The following CCDC90B variants were observed in gnomAD, a reference collection of about 807,000 sequenced individuals.
CCDC90B encodes the protein coiled-coil domain containing 90B.
Under a neutral mutation model 37.0 loss-of-function variants are expected in CCDC90B, and 24 were observed. The ratio of observed to expected loss-of-function variants is 0.65; its 90% CI spans 0.47 to 0.91. The LOEUF is 0.91. CCDC90B is among the 40% of genes least tolerant of loss of function. The probability of loss-of-function intolerance (pLI) is 0.00; values close to 1 mark genes in which losing one functional copy is unlikely to be tolerated. For missense variants in CCDC90B, 319 were observed against 299.0 expected (o/e 1.07, Z -0.49); for synonymous variants, 113 against 101.1 (o/e 1.12, Z -0.71).
Position 83,268,640 on chromosome 11 carries a change from C to T in CCDC90B, c.595-2661G>A, listed in dbSNP as rs192041772. ...TTAGAAACCGACAAAAAGACTTAGA[C>T]TCCCACATAATAATAATGGGAGACT... On this transcript the variant is annotated intron_variant, in intron 7 of 8. Transcript: ENST00000529689. Among the ~76,000 whole-genome samples the T allele has an allele frequency of 2.9e-3, 444 of 152,276 alleles. 4 individuals carry two copies. The highest frequency in any genetic ancestry group is 4.5e-3 in the Non-Finnish European group (307 of 68,026).
At chr11:83,280,287 T>C in intron 1 of CCDC90B, 27 bp from the exon 2 acceptor site, 1 of 1,600,462 alleles carries the variant, frequency 6.2e-7, no homozygotes, top group Non-Finnish European at 8.5e-7. Flanking sequence ...TTTTTTTCTT[T>C]TGTAGTAACT....
intron 3 of CCDC90B, among the ~76,000 whole-genome samples, chr11:83,278,413 G>C (rs1177790366): frequency 6.6e-6 from 1 of 152,204 alleles, no homozygotes; most frequent in Non-Finnish European, 1.5e-5. Context: ...TAGCTCTTCT[G>C]TGGTGAGCTT....
chr11:83,273,771 A>T, intron 6 of CCDC90B, 22 bp downstream of exon 6: 1 of 1,602,574 alleles, frequency 6.2e-7, no homozygotes, highest in Non-Finnish European at 8.5e-7. Context: ...TAACCAAGAA[A>T]GTACATTTAA....
intron 1 of CCDC90B, chr11:83,285,111 G>A: frequency 8.2e-7 from 1 of 1,224,506 alleles, no homozygotes; most frequent in African/African-American, 1.6e-5. Context: ...TTTGGGTACC[G>A]AATGGCTCAG....
Position 83,286,071 on chromosome 11 carries a change from T to C in CCDC90B, c.-99A>G. ...TCTGGCACCACAGGAATGCTGGGAA[T>C]TGTAGTTTTCGCTCTGTCACAAGCT... On this transcript the variant is annotated 5_prime_UTR_variant, in exon 1 of 9. Coordinates refer to ENST00000529689, the MANE Select transcript of CCDC90B (RefSeq NM_021825.5). 8 of 1,540,668 alleles carry C rather than the reference T, an allele frequency of 5.2e-6. No homozygotes were observed. The highest frequency in any genetic ancestry group is 7.0e-6 in the Non-Finnish European group (8 of 1,147,150).
At chr11:83,278,329 T>C (rs975973916) in intron 3 of CCDC90B, among the ~76,000 whole-genome samples, 2 of 152,226 alleles carry the variant, frequency 1.3e-5, no homozygotes, top group Non-Finnish European at 2.9e-5. Flanking sequence ...CTAAGTCCTT[T>C]CCAGCTATGT....
chr11:83,269,851 CAAAA>C (rs1565211173), intron 7 of CCDC90B, among the ~76,000 whole-genome samples: 2 of 151,882 alleles, frequency 1.3e-5, no homozygotes, highest in African/African-American at 4.8e-5. Context: ...AGAGACACAA[CAAAA>C]AAAGAATTTC....
chr11:83,265,814 G>T (rs552214223), intron 8 of CCDC90B, 51 bp downstream of exon 8: 1 of 1,155,312 alleles, frequency 8.7e-7, no homozygotes, highest in Non-Finnish European at 1.3e-6. Flanking sequence ...TTGATAGGTA[G>T]AACTAACAGG....
chr11:83,286,250 T>G lies in CCDC90B; in HGVS notation c.-278A>C. ...TTCACCGCCCTAGGAAAGCGAGATC[T>G]TGTCAGAGAACCTTCCGGCGCCTGT... On this transcript the variant is annotated 5_prime_UTR_variant, in exon 1 of 9. Transcript: ENST00000529689. The G allele has an allele frequency of 6.8e-7, 1 of 1,465,248 alleles. No individual in the cohort carries two copies. Among genetic ancestry groups the G allele is most frequent in the Non-Finnish European group, 9.2e-7 (1 of 1,089,194 alleles). The allele number at this position is 1,465,248 out of a possible 1,614,324, so 90.8% of individuals were successfully genotyped here. A position where few individuals can be genotyped will look rare whatever the true frequency, so the allele number is the denominator to read the frequency against.
intron 4 of CCDC90B, chr11:83,274,265 C>T (rs910371256): frequency 3.1e-6 from 1 of 322,452 alleles, no homozygotes; most frequent in African/African-American, 2.1e-5. Flanking sequence ...ACTTAAAATT[C>T]TGACTTAATT....
chr11:83,285,730 C>A (rs997460307), intron 1 of CCDC90B, 143 bp downstream of exon 1: 1 of 1,445,168 alleles, frequency 6.9e-7, no homozygotes, highest in East Asian at 2.5e-5. Flanking sequence ...GGGCAGCAGG[C>A]AGCGGCGTCG....
At chr11:83,265,171 G>C (rs540797097) in intron 8 of CCDC90B, among the ~76,000 whole-genome samples, 1 of 152,168 alleles carries the variant, frequency 6.6e-6, no homozygotes, top group African/African-American at 2.4e-5. Flanking sequence ...TAGTTGACTA[G>C]GGCATTCTTC....
intron 7 of CCDC90B, 161 bp downstream of exon 7, chr11:83,273,486 A>G: frequency 2.1e-6 from 1 of 465,684 alleles, no homozygotes; most frequent in Non-Finnish European, 3.8e-6. Context: ...ACCTGGTGCC[A>G]GGTTCCCCAA....
At position 83,282,875 on chromosome 11, in the gene CCDC90B, A is replaced by G. The variant is rs562207517; in HGVS notation, c.101-2615T>C. ...TTGTCTCCCCAAGAGACCAGCAGTCAGCCAACTATAGCCCATAGACTACCA... is the reference window on the plus strand; with the variant it reads ...TTGTCTCCCCAAGAGACCAGCAGTCGGCCAACTATAGCCCATAGACTACCA... On this transcript the variant is annotated intron_variant, in intron 1 of 8. Transcript: ENST00000529689. 2.6e-5 allele frequency among the ~76,000 whole-genome samples: 4 copies of G among 152,364 alleles called. No homozygotes were observed. In the East Asian group the frequency reaches 7.7e-4, roughly 29 times the overall value.
intron 7 of CCDC90B, 151 bp from the exon 8 acceptor site, chr11:83,266,130 T>G (rs1388791598): frequency 1.9e-6 from 1 of 539,642 alleles, no homozygotes; most frequent in Non-Finnish European, 3.3e-6. Flanking sequence ...TAAAAAAATT[T>G]GAAGTGTTCC....
intron 1 of CCDC90B, among the ~76,000 whole-genome samples, chr11:83,281,706 A>G (rs977188208): frequency 1.3e-5 from 2 of 152,192 alleles, no homozygotes; most frequent in Non-Finnish European, 2.9e-5. Flanking sequence ...AGTAGTTTCA[A>G]TAACAACTGC....
intron 2 of CCDC90B, 84 bp downstream of exon 2, chr11:83,280,057 T>C: frequency 7.5e-7 from 1 of 1,332,202 alleles, no homozygotes; most frequent in Non-Finnish European, 1.0e-6. Context: ...TTACTTTTGA[T>C]TGTTCATAAT....
At chr11:83,267,360 A>T (rs1463597659) in intron 7 of CCDC90B, 1 of 152,218 alleles carries the variant, frequency 6.6e-6, no homozygotes, top group Non-Finnish European at 1.5e-5. Context: ...GGAAGCTAAA[A>T]ACCTTGAAAA....
rs138560393 is a variant in CCDC90B, at chr11:83,285,885, C to T, written c.88G>A (p.Ala30Thr). The stretch of plus-strand genomic sequence containing the variant: ...CGCCTTGCCTCACCTCTCCGCAGGG[C>T]CGGCGAGAAATGCCCGCGGGGCCTT... ...VSRPRGHFSP[A>T]LRREFFTTTT... The change falls in exon 1 of 9, where the codon GCC becomes ACC. Residue 30 changes from alanine to threonine, a missense_variant. Ala to Thr is a moderately conservative substitution (Grantham distance 58). Coordinates refer to ENST00000529689, the MANE Select transcript of CCDC90B (RefSeq NM_021825.5). The T allele has an allele frequency of 1.3e-5, 21 of 1,612,514 alleles. No homozygotes were observed. The African/African-American group carries it at 2.4e-4, about 18-fold the overall frequency.
Sources: allele counts gnomAD v4.1 joint callset (sites outside exome capture counted in the v4.1 genomes callset), GRCh38; gene constraint gnomAD v4.1.1; transcripts MANE v1.5; gene names NCBI Gene and HGNC (gene_info 2026-07-23, HGNC 2026-07-21).